The following GRM7 variants were observed in gnomAD, a reference collection of about 807,000 sequenced individuals.
GRM7 encodes the protein glutamate metabotropic receptor 7.
Under a neutral mutation model 84.5 loss-of-function variants are expected in GRM7, and 35 were observed. The observed-to-expected ratio is 0.41, with a 90% CI of 0.32 to 0.55. The LOEUF is 0.55. GRM7 is among the 20% of genes least tolerant of loss of function. The probability of loss-of-function intolerance (pLI) is 0.19; values close to 1 mark genes in which losing one functional copy is unlikely to be tolerated. For missense variants in GRM7, 1,003 were observed against 1,194.6 expected (o/e 0.84, Z 2.36); for synonymous variants, 487 against 455.1 (o/e 1.07, Z -0.89).
intron 3 of GRM7, among the ~76,000 whole-genome samples, chr3:7,306,283 A>G (rs1348055204): frequency 3.3e-5 from 5 of 152,128 alleles, no homozygotes; most frequent in African/African-American, 4.8e-5. Flanking sequence ...TCTTTTAACA[A>G]TTACTATTAC....
intron 1 of GRM7, among the ~76,000 whole-genome samples, chr3:7,127,279 G>T (rs1029236652): frequency 1.3e-5 from 2 of 152,136 alleles, no homozygotes; most frequent in Non-Finnish European, 2.9e-5. Flanking sequence ...ACTTCTCTTT[G>T]ATTTCTAACA....
intron 4 of GRM7, among the ~76,000 whole-genome samples, chr3:7,371,922 G>T (rs1694156163): frequency 6.6e-6 from 1 of 152,114 alleles, no homozygotes; most frequent in African/African-American, 2.4e-5. Flanking sequence ...CCGGAACAGG[G>T]GACCCTAAAG....
chr3:7,675,047 T>G (rs1700072574), intron 8 of GRM7, among the ~76,000 whole-genome samples: 1 of 152,216 alleles, frequency 6.6e-6, no homozygotes, highest in South Asian at 2.1e-4. Flanking sequence ...AACACTTTTC[T>G]GAGTAAATTA....
rs75711743 is a variant in GRM7 at position 7,680,610 on chromosome 3, C to G, written c.2698+315C>G. On this transcript the variant is annotated intron_variant, in intron 9 of 9. Coordinates refer to ENST00000357716, the MANE Select transcript of GRM7 (RefSeq NM_000844.4). Reference sequence around the variant, plus strand: ...CACCTATCAGGTTGTTCTTTTCTTGCACCCTTCCTGCTAAGGCAACAACTT... The same window carrying G: ...CACCTATCAGGTTGTTCTTTTCTTGGACCCTTCCTGCTAAGGCAACAACTT... 2,026 of 307,826 alleles carry G rather than the reference C, an allele frequency of 6.6e-3. 50 individuals carry two copies. The highest frequency in any genetic ancestry group is 0.041 in the African/African-American group (1,917 of 46,496). The allele number at this position is 307,826 out of a possible 1,614,324, so 19.1% of individuals were successfully genotyped here.
intron 9 of GRM7, among the ~76,000 whole-genome samples, chr3:7,692,017 T>TATCA (rs1376940272): frequency 2.0e-5 from 3 of 152,192 alleles, no homozygotes; most frequent in African/African-American, 7.2e-5. Flanking sequence ...CATTTTTGTC[T>TATCA]ATCATAAACT....
intron 1 of GRM7, among the ~76,000 whole-genome samples, chr3:7,038,729 G>C (rs942957972): frequency 1.3e-5 from 2 of 152,154 alleles, no homozygotes; most frequent in Non-Finnish European, 2.9e-5. Flanking sequence ...AGTAAAAAGA[G>C]GTTGATACAA....
chr3:7,358,949 C>CCAGATAAAAAATAATTGGGG (rs1553567662), intron 4 of GRM7, among the ~76,000 whole-genome samples: 19 of 144,772 alleles, frequency 1.3e-4, no homozygotes, highest in African/African-American at 1.8e-4. Context: ...GAAACCCTGT[C>CCAGATAAAAAATAATTGGGG]TCTACTAAAA....
At chr3:7,107,760 G>T (rs1227975096) in intron 1 of GRM7, among the ~76,000 whole-genome samples, 1 of 152,040 alleles carries the variant, frequency 6.6e-6, no homozygotes, top group Admixed American at 6.6e-5. Context: ...AGAAGAAAGG[G>T]TAGTCATTTT....
chr3:7,096,745 G>T (rs1291772434), intron 1 of GRM7, among the ~76,000 whole-genome samples: 1 of 152,100 alleles, frequency 6.6e-6, no homozygotes, highest in Non-Finnish European at 1.5e-5. Flanking sequence ...AATCCCATAT[G>T]AAAGCTGTTT....
chr3:6,977,775 G>T (rs1366494900), intron 1 of GRM7, among the ~76,000 whole-genome samples: 1 of 152,162 alleles, frequency 6.6e-6, no homozygotes, highest in Admixed American at 6.5e-5. Context: ...CATGACTTCA[G>T]TGGGTTAAGG....
chr3:7,499,028 G>T (rs1699797159), intron 7 of GRM7, among the ~76,000 whole-genome samples: 1 of 152,176 alleles, frequency 6.6e-6, no homozygotes, highest in South Asian at 2.1e-4. Context: ...ACTAGGCTCT[G>T]CTAGGCAGTT....
chr3:7,553,374 C>G lies in GRM7; in HGVS notation c.1516-25048C>G, dbSNP rs376262316. ...CCTATCTTCTCCTGAGCCCTCCAAACTGTTCCAACCTCTGCCTGTTATCCA... is the reference window on the plus strand; with the variant it reads ...CCTATCTTCTCCTGAGCCCTCCAAAGTGTTCCAACCTCTGCCTGTTATCCA... On this transcript the variant is annotated intron_variant, in intron 7 of 9. Transcript: ENST00000357716. Among the ~76,000 whole-genome samples, 6 of 152,244 alleles carry G rather than the reference C, an allele frequency of 3.9e-5. No individual in the cohort carries two copies. The East Asian group carries it at 1.2e-3, about 29-fold the overall frequency.
At chr3:6,873,769 A>G (rs1695208526) in intron 1 of GRM7, among the ~76,000 whole-genome samples, 1 of 152,168 alleles carries the variant, frequency 6.6e-6, no homozygotes, top group African/African-American at 2.4e-5. Flanking sequence ...GCTTTTGCCT[A>G]TGGTGGTATC....
chr3:7,124,527 G>C (rs1693334326), intron 1 of GRM7, among the ~76,000 whole-genome samples: 1 of 152,138 alleles, frequency 6.6e-6, no homozygotes, highest in South Asian at 2.1e-4. Flanking sequence ...AGGTGGTGGG[G>C]ATGATTGAAA....
chr3:7,002,137 C>A (rs1695034129), intron 1 of GRM7, among the ~76,000 whole-genome samples: 1 of 152,036 alleles, frequency 6.6e-6, no homozygotes, highest in Non-Finnish European at 1.5e-5. Context: ...AGGAAAGAGA[C>A]AAATAATCCT....
chr3:7,677,868 G>T (rs921527607), intron 8 of GRM7, among the ~76,000 whole-genome samples: 3 of 152,188 alleles, frequency 2.0e-5, no homozygotes, highest in African/African-American at 7.2e-5. Context: ...TGCATCGACA[G>T]TGGGCTGGAT....
At chr3:7,245,239 TTAAAA>T (rs1326620383) in intron 2 of GRM7, among the ~76,000 whole-genome samples, 1 of 151,870 alleles carries the variant, frequency 6.6e-6, no homozygotes, top group East Asian at 1.9e-4. Context: ...AGAAAATATA[TTAAAA>T]TAAATACTGA....
At chr3:6,919,641 A>T (rs917983973) in intron 1 of GRM7, among the ~76,000 whole-genome samples, 2 of 151,796 alleles carry the variant, frequency 1.3e-5, no homozygotes, top group South Asian at 4.2e-4. Context: ...TCTGAAGAAA[A>T]CACTTTAAAA....
chr3:7,591,176 T>C (rs1029771795), intron 8 of GRM7, among the ~76,000 whole-genome samples: 1 of 152,206 alleles, frequency 6.6e-6, no homozygotes, highest in Non-Finnish European at 1.5e-5. Flanking sequence ...TGAGGGAGTA[T>C]GTCATGAAGA....
Sources: allele counts gnomAD v4.1 joint callset (sites outside exome capture counted in the v4.1 genomes callset), GRCh38; gene constraint gnomAD v4.1.1; transcripts MANE v1.5; gene names NCBI Gene and HGNC (gene_info 2026-07-23, HGNC 2026-07-21).